EFR3B: variants seen among roughly 807,000 people sequenced by gnomAD.
EFR3B encodes the protein protein EFR3 homolog B.
Under a neutral mutation model 104.7 loss-of-function variants are expected in EFR3B, and 64 were observed. That is an observed-to-expected ratio of 0.61 (90% CI 0.50 to 0.75). The LOEUF (loss-of-function observed/expected upper bound fraction) is 0.75, where lower values mean the gene tolerates loss of function less well. Among genes scored for constraint, EFR3B ranks in the 30% least tolerant of loss-of-function variants. EFR3B has a pLI of 0.00. For synonymous variants in EFR3B, 385 were observed against 417.9 expected, an observed-to-expected ratio of 0.92 and a Z score of 0.96; for missense variants, 750 against 1,078.5, an observed-to-expected ratio of 0.70 and a Z score of 4.27.
At chr2:25,097,114 T>G (rs1669302647) in intron 3 of EFR3B, among the ~76,000 whole-genome samples, 1 of 152,222 alleles carries the variant, frequency 6.6e-6, no homozygotes, top group African/African-American at 2.4e-5. Context: ...GCAGTGATGG[T>G]TCTCTCAGTA....
In EFR3B at chr2:25,042,244, G is replaced by A; in HGVS notation, c.-69G>A. On this transcript the variant is annotated 5_prime_UTR_variant, in exon 1 of 23. Transcript: ENST00000403714. The surrounding 1 kb of genome is among the most constrained non-coding windows in gnomAD (Gnocchi z 5.4). ...CGCCCCGACTGTGAATGAAAGGCGG[G>A]CGCCGCCGAGGGCTGGCTGGGAACG... 1 of 1,296,670 alleles carries A rather than the reference G, an allele frequency of 7.7e-7. No individual in the cohort carries two copies. Among genetic ancestry groups the A allele is most frequent in the Non-Finnish European group, 9.8e-7 (1 of 1,022,458 alleles). The allele number at this position is 1,296,670 out of a possible 1,614,324, so 80.3% of individuals were successfully genotyped here. A position where few individuals can be genotyped will look rare whatever the true frequency, so the allele number is the denominator to read the frequency against.
chr2:25,076,269 T>C (rs189784181), intron 1 of EFR3B, among the ~76,000 whole-genome samples: 1 of 152,324 alleles, frequency 6.6e-6, no homozygotes, highest in East Asian at 1.9e-4. Flanking sequence ...TTAAGGGCTA[T>C]CGTTGCTCCA....
In EFR3B at chr2:25,131,981, G is replaced by A. The variant is rs1363242279; in HGVS notation, c.1147+70G>A. The A allele has an allele frequency of 5.4e-6, 6 of 1,107,876 alleles. No homozygotes were observed. The Admixed American group carries it at 1.6e-4, about 29-fold the overall frequency. 68.6% of individuals were successfully genotyped at this position (1,107,876 alleles called of 1,614,324 possible). A position where few individuals can be genotyped will look rare whatever the true frequency, so the allele number is the denominator to read the frequency against. ...GAGTGGGGAGGGGAGGGGAGGGACG[G>A]GACGGGGCCCAGGGGCTCAAGACTG... is the stretch of plus-strand genomic sequence containing the variant. On this transcript the variant is annotated intron_variant, in intron 10 of 22. Transcript: ENST00000403714. The surrounding 1 kb of genome is among the most constrained non-coding windows in gnomAD (Gnocchi z 7.6).
Position 25,133,364 on chromosome 2 carries a change from T to C in EFR3B, c.1260-19T>C. On this transcript the variant is annotated intron_variant, in intron 11 of 22. Transcript: ENST00000403714. ...GCCCTATTACCATCCTGGTGAGTGT[T>C]TGTGTCTCTGGTCTACAGGGAGAAT... 1 of 1,552,288 alleles carries C rather than the reference T, an allele frequency of 6.4e-7. No individual in the cohort carries two copies. The highest frequency in any genetic ancestry group is 1.2e-5 in the South Asian group (1 of 84,052).
At chr2:25,054,143 C>T (rs1282915877) in intron 1 of EFR3B, among the ~76,000 whole-genome samples, 3 of 152,094 alleles carry the variant, frequency 2.0e-5, no homozygotes, top group African/African-American at 7.2e-5. Context: ...AGCCAGAGGG[C>T]CCTGGACATT....
chr2:25,074,570 A>G (rs1668584787), intron 1 of EFR3B, among the ~76,000 whole-genome samples: 1 of 152,006 alleles, frequency 6.6e-6, no homozygotes, highest in African/African-American at 2.4e-5. Flanking sequence ...ATCTCAAAAA[A>G]AAAGAAAAAA....
At chr2:25,086,902 A>G (rs1166921685) in intron 1 of EFR3B, among the ~76,000 whole-genome samples, 1 of 152,044 alleles carries the variant, frequency 6.6e-6, no homozygotes, top group East Asian at 1.9e-4. Flanking sequence ...CCCATTTTTA[A>G]TTGGGTTATT....
At position 25,131,842 on chromosome 2, in the gene EFR3B, A is replaced by G. The variant is rs1670346162; in HGVS notation, c.1078A>G (p.Ser360Gly). ...GACCGGGAGCTACGACGGGGCGGTC[A>G]GCCTCGGCACCAAGATCATCAAGGA... ...ALTGSYDGAV[S>G]LGTKIIKEHE... Residue 360 changes from serine to glycine, a missense_variant, in exon 10 of 23, where the codon AGC becomes GGC. Transcript: ENST00000403714. The surrounding 1 kb of genome is among the most constrained non-coding windows in gnomAD (Gnocchi z 7.6). 1 of 1,549,658 alleles carries G rather than the reference A, an allele frequency of 6.5e-7. No individual in the cohort carries two copies. Among genetic ancestry groups the G allele is most frequent in the Admixed American group, 2.0e-5 (1 of 50,690 alleles).
At chr2:25,045,175 G>C (rs1667681974) in intron 1 of EFR3B, among the ~76,000 whole-genome samples, 1 of 152,100 alleles carries the variant, frequency 6.6e-6, no homozygotes, top group Non-Finnish European at 1.5e-5. Flanking sequence ...GGCACAGCCT[G>C]TTTGTATCAC....
Position 25,156,314 on chromosome 2 carries a change from T to TC in EFR3B, c.*1974_*1975insC. 1 of 146,630 alleles carries TC rather than the reference T, an allele frequency of 6.8e-6. No individual in the cohort carries two copies. Among genetic ancestry groups the TC allele is most frequent in the African/African-American group, 2.6e-5 (1 of 39,024 alleles). The allele number at this position is 146,630 out of a possible 1,614,324, so 9.1% of individuals were successfully genotyped here. On this transcript the variant is annotated 3_prime_UTR_variant, in exon 23 of 23. Transcript: ENST00000403714. The stretch of plus-strand genomic sequence containing the variant: ...TGTTTTTTTTTTTTTTTTTTTTTTT[T>TC]TGAGACACCGTCTCGCTCTGTCACC...
At chr2:25,138,249 CTTG>C (rs1399099573) in intron 15 of EFR3B, among the ~76,000 whole-genome samples, 3 of 152,212 alleles carry the variant, frequency 2.0e-5, no homozygotes, top group African/African-American at 2.4e-5. Flanking sequence ...GCTTTGAGCA[CTTG>C]TTTAAAGTGT....
chr2:25,128,321 G>A lies in EFR3B; in HGVS notation c.624G>A (p.Glu208=). 1 of 1,551,882 alleles carries A rather than the reference G, an allele frequency of 6.4e-7. No homozygotes were observed. ...TGCTTTTCAATCTACAGCATGTAGAGGAGGCAGAGAGGTAAGCAGGCCGGG... is the reference window on the plus strand; with the variant it reads ...TGCTTTTCAATCTACAGCATGTAGAAGAGGCAGAGAGGTAAGCAGGCCGGG... ...PSLLFNLQHV[E]EAESRSPSPL... The change falls in exon 6 of 23, where the codon GAG becomes GAA. Residue 208 remains glutamate (E), a synonymous_variant. Transcript: ENST00000403714.
intron 3 of EFR3B, among the ~76,000 whole-genome samples, chr2:25,094,282 C>CAA (rs11455802): frequency 0.089 from 8,114 of 91,042 alleles, 698 homozygotes; most frequent in Non-Finnish European, 0.11. Context: ...GAGACTGTCT[C>CAA]AAAAAAAAAA....
At chr2:25,146,087 T>G (rs1043796965) in intron 19 of EFR3B, 5 of 151,014 alleles carry the variant, frequency 3.3e-5, no homozygotes, top group South Asian at 2.1e-4. Context: ...AAGATGTTTT[T>G]TTTTTTTTTT....
At chr2:25,060,719 G>C (rs1032639415) in intron 1 of EFR3B, among the ~76,000 whole-genome samples, 7 of 152,042 alleles carry the variant, frequency 4.6e-5, no homozygotes, top group African/African-American at 1.7e-4. Flanking sequence ...AGGAGATCGA[G>C]ACCATCATGG....
rs953486113 is a variant in EFR3B at position 25,054,245 on chromosome 2, G to A, written c.7+11926G>A. Among the ~76,000 whole-genome samples, 3 of 152,186 alleles carry A rather than the reference G, an allele frequency of 2.0e-5. No homozygotes were observed. The South Asian group carries it at 6.2e-4, about 32-fold the overall frequency. ...TGAGGATGTATGAGGGGGGTCAAAT[G>A]AGATAATGTCTATGTACATGGACTT... On this transcript the variant is annotated intron_variant, in intron 1 of 22. Coordinates refer to ENST00000403714, the MANE Select transcript of EFR3B (RefSeq NM_014971.2).
At chr2:25,116,881 G>A (rs961981259) in intron 4 of EFR3B, among the ~76,000 whole-genome samples, 36 of 152,258 alleles carry the variant, frequency 2.4e-4, no homozygotes, top group African/African-American at 8.4e-4. Flanking sequence ...CTCAGGGGTA[G>A]CTGCAGAACT....
Position 25,042,352 on chromosome 2 carries a change from G to A in EFR3B, c.7+33G>A. ...GGGCTCCGCGCCCGGGCCCGGGCCC[G>A]CGGGGGCGACTCCGCAAACTTCCCC... On this transcript the variant is annotated intron_variant, in intron 1 of 22. Transcript: ENST00000403714. This position sits in a 1 kb window ranked among gnomAD's most constrained non-coding sequence, Gnocchi z 5.4. 2 of 1,256,050 alleles carry A rather than the reference G, an allele frequency of 1.6e-6. No homozygotes were observed. Among genetic ancestry groups the A allele is most frequent in the South Asian group, 2.8e-5 (1 of 35,618 alleles). 77.8% of individuals were successfully genotyped at this position (1,256,050 alleles called of 1,614,324 possible).
intron 17 of EFR3B, 121 bp from the exon 18 acceptor site, chr2:25,143,614 C>G: frequency 2.4e-6 from 3 of 1,252,468 alleles, no homozygotes; most frequent in Middle Eastern, 1.9e-4. Context: ...GAGCCGAGAT[C>G]GCACCACCAC....
Sources: gnomAD v4.1 joint callset for allele counts (sites outside exome capture counted in the v4.1 genomes callset) on GRCh38, gnomAD v4.1.1 for gene constraint, Gnocchi (gnomAD v3.1) non-coding constraint, MANE v1.5 for transcripts, NCBI Gene and HGNC (gene_info 2026-07-23, HGNC 2026-07-21) for gene names.